The following UAP1L1 variants were observed in gnomAD, a reference collection of about 807,000 sequenced individuals.
UAP1L1 encodes the protein UDP-N-acetylglucosamine pyrophosphorylase 1 like 1, also known as UDP-N-acetylhexosamine pyrophosphorylase-like protein 1.
Under a neutral mutation model 45.3 loss-of-function variants are expected in UAP1L1, and 45 were observed. The ratio of observed to expected loss-of-function variants is 0.99; its 90% CI spans 0.78 to 1.27. The LOEUF (loss-of-function observed/expected upper bound fraction) is 1.27. UAP1L1 is among the 50% of genes most tolerant of loss of function. UAP1L1 has a pLI of 0.00. For missense variants in UAP1L1, 667 were observed against 694.0 expected, an observed-to-expected ratio of 0.96 and a Z score of 0.44; for synonymous variants, 323 against 303.9, an observed-to-expected ratio of 1.06 and a Z score of -0.65.
At chr9:137,080,896 C>G in intron 7 of UAP1L1, 22 bp downstream of exon 7, 1 of 1,545,906 alleles carries the variant, frequency 6.5e-7, no homozygotes, top group Middle Eastern at 2.1e-4. Flanking sequence ...CCTGGGGTAG[C>G]TACAGCCAGA....
At chr9:137,078,291 C>T in intron 2 of UAP1L1, 37 bp downstream of exon 2, 4 of 1,515,764 alleles carry the variant, frequency 2.6e-6, no homozygotes, top group Middle Eastern at 1.7e-4. Context: ...CCGGAGGTAC[C>T]CTTCCCCACG....
In UAP1L1 at chr9:137,082,637, G is replaced by A. The variant is rs766217229; in HGVS notation, c.1432G>A (p.Gly478Ser). 5.2e-6 allele frequency: 8 copies of A among 1,551,606 alleles called. No individual in the cohort carries two copies. The African/African-American group carries it at 1.1e-4, about 21-fold the overall frequency. The change falls in exon 9 of 9, where the codon GGT becomes AGT. Residue 478 changes from glycine to serine, a missense_variant and splice_region_variant. Gly to Ser is a moderately conservative substitution (Grantham distance 56). Transcript: ENST00000409858. The surrounding 1 kb of genome is among the most constrained non-coding windows in gnomAD (Gnocchi z 5.7). ...GCCATTGTCCCCTGCTCGTCTCCAG[G>A]GTTTAGAAGTGTACCTGCAAGGCCG... ...ISPLVSYSGE[G>S]LEVYLQGREF...
rs1832716397 is a variant in UAP1L1 at position 137,077,825 on chromosome 9, A to G, written c.289+4A>G. 2 of 1,398,604 alleles carry G rather than the reference A, an allele frequency of 1.4e-6. No individual in the cohort carries two copies. Among genetic ancestry groups the G allele is most frequent in the African/African-American group, 1.5e-5 (1 of 66,982 alleles). The allele number at this position is 1,398,604 out of a possible 1,614,324, so 86.6% of individuals were successfully genotyped here. On this transcript the variant is annotated splice_donor_region_variant and intron_variant, in intron 1 of 8. Transcript: ENST00000409858. This position sits in a 1 kb window ranked among gnomAD's most constrained non-coding sequence, Gnocchi z 4.7. ...CGGCGGCGCTGGGAGGAGGAAGGTAAGCGGGGTGGGAGGCCCTGGGGGCCG... is the reference window on the plus strand; with the variant it reads ...CGGCGGCGCTGGGAGGAGGAAGGTAGGCGGGGTGGGAGGCCCTGGGGGCCG...
At position 137,079,397 on chromosome 9, in the gene UAP1L1, G is replaced by A; in HGVS notation, c.985G>A (p.Gly329Ser). The A allele has an allele frequency of 6.2e-7, 1 of 1,606,954 alleles. No homozygotes were observed. Among genetic ancestry groups the A allele is most frequent in the Non-Finnish European group, 8.5e-7 (1 of 1,175,430 alleles). ...CGACGGGAGCCTGCTGTACAATGCA[G>A]GCAACATCTGCAACCACTTCTTCAC... is the stretch of plus-strand genomic sequence containing the variant. ...ASDGSLLYNA[G>S]NICNHFFTRG... Residue 329 changes from glycine (G) to serine (S), a missense_variant, in exon 5 of 9, where the codon GGC becomes AGC. Gly to Ser is a moderately conservative substitution (Grantham distance 56, BLOSUM62 0). Coordinates refer to ENST00000409858, the MANE Select transcript of UAP1L1 (RefSeq NM_207309.3).
intron 7 of UAP1L1, among the ~76,000 whole-genome samples, chr9:137,081,501 T>G (rs1387388870): frequency 6.6e-6 from 1 of 151,822 alleles, no homozygotes; most frequent in African/African-American, 2.4e-5. Context: ...GTGAGCCACC[T>G]CACCCGGCTA....
Position 137,079,536 on chromosome 9 carries a change from C to T in UAP1L1, c.1037+87C>T. 2 of 1,346,334 alleles carry T rather than the reference C, an allele frequency of 1.5e-6. 1 individual carries two copies. The highest frequency in any genetic ancestry group is 2.8e-5 in the South Asian group (2 of 71,560). The allele number at this position is 1,346,334 out of a possible 1,614,324, so 83.4% of individuals were successfully genotyped here. A position where few individuals can be genotyped will look rare whatever the true frequency, so the allele number is the denominator to read the frequency against. ...GCGGGGTCCCAGTGAGCTGAGTGCCCTGGGCCACAGCGGCTGTGGTCAGGA... is the reference window on the plus strand; with the variant it reads ...GCGGGGTCCCAGTGAGCTGAGTGCCTTGGGCCACAGCGGCTGTGGTCAGGA... On this transcript the variant is annotated intron_variant, in intron 5 of 8. Coordinates refer to ENST00000409858, the MANE Select transcript of UAP1L1 (RefSeq NM_207309.3).
chr9:137,077,627 C>G lies in UAP1L1; in HGVS notation c.95C>G (p.Ala32Gly). 2 of 1,332,780 alleles carry G rather than the reference C, an allele frequency of 1.5e-6. No individual in the cohort carries two copies. The highest frequency in any genetic ancestry group is 1.9e-6 in the Non-Finnish European group (2 of 1,029,594). The allele number at this position is 1,332,780 out of a possible 1,614,324, so 82.6% of individuals were successfully genotyped here. A position where few individuals can be genotyped will look rare whatever the true frequency, so the allele number is the denominator to read the frequency against. ...FWAELAPEPR[A>G]ALLAELALLE... ...GCCGAGCTGGCGCCGGAGCCACGAG[C>G]CGCGCTGCTGGCGGAGCTGGCGCTG... The change falls in exon 1 of 9, where the codon GCC (alanine) becomes GGC (glycine). Residue 32 changes from alanine (A) to glycine (G), a missense_variant. By Grantham distance (60) the Ala-to-Gly change is moderately conservative (BLOSUM62 0). Transcript: ENST00000409858. The surrounding 1 kb of genome is among the most constrained non-coding windows in gnomAD (Gnocchi z 4.7).
At chr9:137,078,472 C>T (rs919817579) in intron 2 of UAP1L1, 30 bp from the exon 3 acceptor site, 1 of 1,612,500 alleles carries the variant, frequency 6.2e-7, no homozygotes, top group South Asian at 1.1e-5. Context: ...CAGGCGTACT[C>T]GCGGCCGGCT....
chr9:137,081,556 T>G (rs1165872586), intron 7 of UAP1L1, among the ~76,000 whole-genome samples: 2 of 152,116 alleles, frequency 1.3e-5, no homozygotes, highest in Non-Finnish European at 2.9e-5. Context: ...TTGTGGGGTG[T>G]GTGTGCAACT....
chr9:137,080,196 G>T, intron 6 of UAP1L1, 54 bp downstream of exon 6: 1 of 1,604,232 alleles, frequency 6.2e-7, no homozygotes. Context: ...AGTTTTGGTG[G>T]TGGGAACTGA....
Position 137,079,102 on chromosome 9 carries a change from T to C in UAP1L1, c.797T>C (p.Val266Ala), listed in dbSNP as rs756735072. 196 of 1,611,794 alleles carry C rather than the reference T, an allele frequency of 1.2e-4. 3 individuals are homozygous for C. In the South Asian group the frequency reaches 2.0e-3, roughly 17 times the overall value. ...DNILVRLADP[V>A]FIGFCVLQGA... ...ATCCTGGTGCGGCTGGCGGACCCTGTCTTCATCGGCTTCTGTGTGTTGCAG... is the reference window on the plus strand; with the variant it reads ...ATCCTGGTGCGGCTGGCGGACCCTGCCTTCATCGGCTTCTGTGTGTTGCAG... Residue 266 changes from valine (V) to alanine (A), a missense_variant, in exon 4 of 9, where the codon GTC becomes GCC. Coordinates refer to ENST00000409858, the MANE Select transcript of UAP1L1 (RefSeq NM_207309.3).
intron 6 of UAP1L1, chr9:137,080,395 C>A: frequency 1.7e-6 from 1 of 593,498 alleles, no homozygotes; most frequent in Non-Finnish European, 2.9e-6. Context: ...ACTGCCCCCA[C>A]CCATGGTTAG....
chr9:137,078,304 C>A, intron 2 of UAP1L1, 50 bp downstream of exon 2: 1 of 1,510,610 alleles, frequency 6.6e-7, no homozygotes, highest in Admixed American at 2.0e-5. Flanking sequence ...TCCCCACGCC[C>A]CCCCACATCC....
At chr9:137,078,817 G>A (rs1832739483) in intron 3 of UAP1L1, 140 bp downstream of exon 3, 4 of 1,311,650 alleles carry the variant, frequency 3.0e-6, no homozygotes, top group African/African-American at 3.0e-5. Flanking sequence ...GGCCTTGATC[G>A]TCATTTGTCA....
chr9:137,082,335 C>G lies in UAP1L1; in HGVS notation c.1431+271C>G. The G allele has an allele frequency of 8.3e-6, 5 of 599,054 alleles. No individual in the cohort carries two copies. In the South Asian group the frequency reaches 1.0e-4, roughly 12 times the overall value. The allele number at this position is 599,054 out of a possible 1,614,324, so 37.1% of individuals were successfully genotyped here. A position where few individuals can be genotyped will look rare whatever the true frequency, so the allele number is the denominator to read the frequency against. On this transcript the variant is annotated intron_variant, in intron 8 of 8. Transcript: ENST00000409858. This position sits in a 1 kb window ranked among gnomAD's most constrained non-coding sequence, Gnocchi z 5.7. The stretch of plus-strand genomic sequence containing the variant: ...CAGTCAGGCCTTGGTGGGGGCCTTG[C>G]GGAGGGAGGACACCGGCCTCTGCTA...
intron 2 of UAP1L1, 83 bp from the exon 3 acceptor site, chr9:137,078,419 C>T (rs1368938621): frequency 5.6e-6 from 9 of 1,604,630 alleles, no homozygotes; most frequent in Admixed American, 1.7e-5. Flanking sequence ...GGACCCCGAA[C>T]CCCGATGCCG....
In UAP1L1 at chr9:137,082,739, A is replaced by G. The variant is rs1832810516; in HGVS notation, c.*10A>G. On this transcript the variant is annotated 3_prime_UTR_variant, in exon 9 of 9. Coordinates refer to ENST00000409858, the MANE Select transcript of UAP1L1 (RefSeq NM_207309.3). This position sits in a 1 kb window ranked among gnomAD's most constrained non-coding sequence, Gnocchi z 5.7. ...GCTGCAGGAGTCCTGACCCGCCCAG[A>G]CTGTCCCCAGACTCCCCCGAGACCT... The G allele has an allele frequency of 1.3e-6, 2 of 1,545,680 alleles. No homozygotes were observed. Among genetic ancestry groups the G allele is most frequent in the Non-Finnish European group, 1.7e-6 (2 of 1,145,778 alleles).
rs1260825607 is a variant in UAP1L1 at position 137,080,087 on chromosome 9, A to C, written c.1123A>C (p.Lys375Gln). ...GGAGGGGAATCTGGTAAAGCCGCTA[A>C]AACCGAACGGGATAAAGATGGAGAA... ...DEEGNLVKPL[K>Q]PNGIKMEKFV... is the part of the protein sequence containing the mutation. The change falls in exon 6 of 9, where the codon AAA becomes CAA. Residue 375 changes from lysine to glutamine, a missense_variant. Lys to Gln is a moderately conservative substitution (Grantham distance 53). Coordinates refer to ENST00000409858, the MANE Select transcript of UAP1L1 (RefSeq NM_207309.3). 4 of 1,614,088 alleles carry C rather than the reference A, an allele frequency of 2.5e-6. No individual in the cohort carries two copies. Among genetic ancestry groups the C allele is most frequent in the Non-Finnish European group, 3.4e-6 (4 of 1,180,026 alleles).
chr9:137,082,210 C>A lies in UAP1L1; in HGVS notation c.1431+146C>A. The A allele has an allele frequency of 1.2e-6, 1 of 805,906 alleles. No individual in the cohort carries two copies. The highest frequency in any genetic ancestry group is 2.6e-5 in the East Asian group (1 of 38,866). 49.9% of individuals were successfully genotyped at this position (805,906 alleles called of 1,614,324 possible). ...GTGGTTTAAATTTGCAGAAGACTTTCCAAGATATGGGTTGGGGTGGGGTGA... is the reference window on the plus strand; with the variant it reads ...GTGGTTTAAATTTGCAGAAGACTTTACAAGATATGGGTTGGGGTGGGGTGA... On this transcript the variant is annotated intron_variant, in intron 8 of 8. Transcript: ENST00000409858. The surrounding 1 kb of genome is among the most constrained non-coding windows in gnomAD (Gnocchi z 5.7).
Sources: allele counts gnomAD v4.1 joint callset (sites outside exome capture counted in the v4.1 genomes callset), GRCh38; gene constraint gnomAD v4.1.1; non-coding constraint Gnocchi (gnomAD v3.1); transcripts MANE v1.5; gene names NCBI Gene and HGNC (gene_info 2026-07-23, HGNC 2026-07-21).